The following SH3PXD2A variants were observed in gnomAD, a reference collection of about 807,000 sequenced individuals.
SH3PXD2A encodes SH3 and PX domains 2A, also known as SH3 and PX domain-containing protein 2A.
A neutral mutation model predicts 115.2 loss-of-function variants in SH3PXD2A; 32 were observed. The observed-to-expected ratio is 0.28, with a 90% confidence interval of 0.21 to 0.37. The LOEUF is 0.37. Among genes scored for constraint, SH3PXD2A ranks in the 10% least tolerant of loss-of-function variants. The pLI is 1.00. For synonymous variants in SH3PXD2A, 610 were observed against 629.1 expected, an observed-to-expected ratio of 0.97 and a Z score of 0.45; for missense variants, 1,328 against 1,498.7, an observed-to-expected ratio of 0.89 and a Z score of 1.88.
chr10:103,842,707 C>T (rs10736163), intron 1 of SH3PXD2A, among the ~76,000 whole-genome samples: 132,323 of 152,186 alleles, frequency 0.87, 58,712 homozygotes, highest in East Asian at 0.99. Flanking sequence ...GTTCCATCCA[C>T]GTTGCTGCAA....
At chr10:103,757,524 TG>T (rs2038656023) in intron 3 of SH3PXD2A, among the ~76,000 whole-genome samples, 2 of 152,124 alleles carry the variant, frequency 1.3e-5, no homozygotes, top group Admixed American at 1.3e-4. Flanking sequence ...CTAGAATGAT[TG>T]GGAAGGCACA....
At chr10:103,624,787 A>C (rs1279077217) in intron 9 of SH3PXD2A, among the ~76,000 whole-genome samples, 1 of 152,152 alleles carries the variant, frequency 6.6e-6, no homozygotes, top group Non-Finnish European at 1.5e-5. Context: ...TCTCTTGGCC[A>C]TGTGGCTGCA....
At chr10:103,805,853 GTC>G (rs2039196669) in intron 1 of SH3PXD2A, among the ~76,000 whole-genome samples, 2 of 152,234 alleles carry the variant, frequency 1.3e-5, no homozygotes, top group African/African-American at 4.8e-5. Context: ...GTGAGGCTCT[GTC>G]TCTATTTTAA....
rs565784842 is a variant in SH3PXD2A, at chr10:103,594,833, T to A, written c.*6983A>T. The A allele has an allele frequency of 5.9e-5, 9 of 152,190 alleles. No homozygotes were observed. Among genetic ancestry groups the A allele is most frequent in the Non-Finnish European group, 1.2e-4 (8 of 68,028 alleles). The allele number at this position is 152,190 out of a possible 1,614,324, so 9.4% of individuals were successfully genotyped here. ...ATACCAGGTGGCAGGCTCAGCAAAC[T>A]GAACCACCACAGGTGTCAGAGATAC... On this transcript the variant is annotated 3_prime_UTR_variant, in exon 15 of 15. Transcript: ENST00000369774.
At chr10:103,607,269 G>A (rs181975957) in intron 13 of SH3PXD2A, among the ~76,000 whole-genome samples, 4,243 of 150,754 alleles carry the variant, frequency 0.028, 71 homozygotes, top group African/African-American at 0.048. Flanking sequence ...CAACCGCCCC[G>A]TCTGAGAAGT....
At chr10:103,635,549 T>G (rs1273504936) in intron 8 of SH3PXD2A, among the ~76,000 whole-genome samples, 3 of 152,196 alleles carry the variant, frequency 2.0e-5, no homozygotes. Flanking sequence ...GCTCATTCCC[T>G]TGAATGGGAA....
Position 103,756,700 on chromosome 10 carries a change from G to T in SH3PXD2A, c.229+10394C>A, listed in dbSNP as rs905164152. Among the ~76,000 whole-genome samples the T allele has an allele frequency of 6.6e-6, 1 of 152,138 alleles. No individual in the cohort carries two copies. Among genetic ancestry groups the T allele is most frequent in the African/African-American group, 2.4e-5 (1 of 41,410 alleles). On this transcript the variant is annotated intron_variant, in intron 3 of 14. Transcript: ENST00000369774. The surrounding 1 kb of genome is among the most constrained non-coding windows in gnomAD (Gnocchi z 4.4). ...CACTCCTTCTGCCATCTTGGCCAGGGCTGCCCAGACAGAGCTATGGGCAGT... is the reference window on the plus strand; with the variant it reads ...CACTCCTTCTGCCATCTTGGCCAGGTCTGCCCAGACAGAGCTATGGGCAGT...
chr10:103,792,807 T>A (rs1307066660), intron 2 of SH3PXD2A, among the ~76,000 whole-genome samples: 1 of 152,138 alleles, frequency 6.6e-6, no homozygotes, highest in Non-Finnish European at 1.5e-5. Context: ...AGATTTTGAG[T>A]AATATCTGAA....
At chr10:103,718,640 T>A (rs766750986) in intron 5 of SH3PXD2A, among the ~76,000 whole-genome samples, 1 of 152,112 alleles carries the variant, frequency 6.6e-6, no homozygotes, top group African/African-American at 2.4e-5. Flanking sequence ...CCTTCGTGGG[T>A]GGCCTAATAT....
chr10:103,851,912 C>A (rs561679343), intron 1 of SH3PXD2A, among the ~76,000 whole-genome samples: 4 of 152,166 alleles, frequency 2.6e-5, no homozygotes, highest in Non-Finnish European at 4.4e-5. Context: ...GATAAACGAG[C>A]TTTTCTCTAC....
intron 2 of SH3PXD2A, among the ~76,000 whole-genome samples, chr10:103,787,442 G>A (rs2038991038): frequency 1.3e-5 from 2 of 152,282 alleles, no homozygotes; most frequent in South Asian, 4.1e-4. Context: ...AGACTGCCTG[G>A]CCCCAGTCTC....
chr10:103,704,267 C>T (rs1446721478), intron 5 of SH3PXD2A, among the ~76,000 whole-genome samples: 1 of 152,126 alleles, frequency 6.6e-6, no homozygotes, highest in East Asian at 1.9e-4. Flanking sequence ...GGGGCGGTGG[C>T]CACTGGAGGA....
intron 8 of SH3PXD2A, among the ~76,000 whole-genome samples, chr10:103,636,387 T>G (rs1592274845): frequency 7.2e-6 from 1 of 139,010 alleles, no homozygotes. Flanking sequence ...CCAGCCTGGG[T>G]GACAGAGCGA....
Position 103,666,013 on chromosome 10 carries a change from T to C in SH3PXD2A, c.472+2595A>G, listed in dbSNP as rs563180202. Among the ~76,000 whole-genome samples, 6 of 152,150 alleles carry C rather than the reference T, an allele frequency of 3.9e-5. No individual in the cohort carries two copies. In the South Asian group the frequency reaches 1.2e-3, roughly 32 times the overall value. On this transcript the variant is annotated intron_variant, in intron 7 of 14. Transcript: ENST00000369774. The surrounding 1 kb of genome is among the most constrained non-coding windows in gnomAD (Gnocchi z 4.5). Reference sequence around the variant, plus strand: ...ACCCCTGCCCCACCCTTGCCTCACATCTGCATTCCTTCAACTACCACCTGG... The same window carrying C: ...ACCCCTGCCCCACCCTTGCCTCACACCTGCATTCCTTCAACTACCACCTGG...
At chr10:103,845,953 A>ATG in intron 1 of SH3PXD2A, among the ~76,000 whole-genome samples, 1 of 152,368 alleles carries the variant, frequency 6.6e-6, no homozygotes, top group East Asian at 1.9e-4. Flanking sequence ...CATTCTCAAC[A>ATG]TGGGGCATTA....
chr10:103,733,426 GC>G (rs1399786572), intron 4 of SH3PXD2A, among the ~76,000 whole-genome samples: 1 of 152,160 alleles, frequency 6.6e-6, no homozygotes, highest in Non-Finnish European at 1.5e-5. Flanking sequence ...CCCGCCCTAT[GC>G]CCCCTCCTCC....
chr10:103,604,637 C>A (rs1291902234), intron 14 of SH3PXD2A, among the ~76,000 whole-genome samples: 3 of 152,072 alleles, frequency 2.0e-5, no homozygotes, highest in African/African-American at 7.2e-5. Context: ...GGGAAGAGGG[C>A]CAAGGAGGGA....
chr10:103,721,828 C>G (rs1176007522), intron 5 of SH3PXD2A, among the ~76,000 whole-genome samples: 4 of 152,098 alleles, frequency 2.6e-5, no homozygotes, highest in Admixed American at 2.6e-4. Context: ...GGCAGGAGCG[C>G]AGACAGGTGG....
intron 8 of SH3PXD2A, among the ~76,000 whole-genome samples, chr10:103,658,231 C>G (rs1056470549): frequency 1.3e-5 from 2 of 152,222 alleles, no homozygotes; most frequent in African/African-American, 4.8e-5. Flanking sequence ...CCTGTGGACA[C>G]TCTACTTGAG....
Sources: gnomAD v4.1 joint callset for allele counts (sites outside exome capture counted in the v4.1 genomes callset) on GRCh38, gnomAD v4.1.1 for gene constraint, Gnocchi (gnomAD v3.1) non-coding constraint, MANE v1.5 for transcripts, NCBI Gene and HGNC (gene_info 2026-07-23, HGNC 2026-07-21) for gene names.